Variants in KANK1 observed in about 807,000 individuals in gnomAD.
KANK1 encodes the protein KN motif and ankyrin repeat domains 1, also known as KN motif and ankyrin repeat domain-containing protein 1.
In KANK1, 109 loss-of-function variants were observed where a neutral mutation model predicts 106.2. That is an observed-to-expected ratio of 1.03 (90% CI 0.88 to 1.20). KANK1 has a LOEUF of 1.20. KANK1 is among the 50% of genes most tolerant of loss of function. The probability of loss-of-function intolerance (pLI) is 0.00; values close to 1 mark genes in which losing one functional copy is unlikely to be tolerated. For missense variants in KANK1, 2,399 were observed against 1,710.7 expected (o/e 1.40, Z -7.10); for synonymous variants, 873 against 652.2 (o/e 1.34, Z -5.16).
intron 1 of KANK1, among the ~76,000 whole-genome samples, chr9:507,038 A>G (rs1170046733): frequency 1.3e-5 from 2 of 152,120 alleles, no homozygotes; most frequent in African/African-American, 2.4e-5. Flanking sequence ...AACATCCACT[A>G]CACTTCTCAC....
intron 9 of KANK1, among the ~76,000 whole-genome samples, chr9:741,409 G>C (rs1457492395): frequency 6.7e-6 from 1 of 149,774 alleles, no homozygotes; most frequent in Non-Finnish European, 1.5e-5. Context: ...AACCACCCCC[G>C]GCTCCCTGGT....
At chr9:724,964 G>C (rs1196806176) in intron 3 of KANK1, among the ~76,000 whole-genome samples, 1 of 152,166 alleles carries the variant, frequency 6.6e-6, no homozygotes, top group African/African-American at 2.4e-5. Context: ...AGGCACATTA[G>C]GCATTTCATA....
rs544586265 is a variant in KANK1 at position 646,403 on chromosome 9, C to G, written c.-83-30487C>G. 3.2e-4 allele frequency among the ~76,000 whole-genome samples: 48 copies of G among 150,818 alleles called. 1 individual carries two copies. Among genetic ancestry groups the G allele is most frequent in the Non-Finnish European group, 8.8e-5 (6 of 67,994 alleles). On this transcript the variant is annotated intron_variant, in intron 1 of 11. Transcript: ENST00000382297. ...AGTAAAAATGTAGGTTATGTTTCTTCGTCTGAAAATAAGCTATTCTGAAAA... is the reference window on the plus strand; with the variant it reads ...AGTAAAAATGTAGGTTATGTTTCTTGGTCTGAAAATAAGCTATTCTGAAAA...
At chr9:543,281 C>T (rs1019185875) in intron 1 of KANK1, among the ~76,000 whole-genome samples, 1 of 151,918 alleles carries the variant, frequency 6.6e-6, no homozygotes, top group African/African-American at 2.4e-5. Flanking sequence ...TGAGGCCGGG[C>T]ACGGTGGCTC....
chr9:583,842 G>A (rs1282659223), intron 1 of KANK1, among the ~76,000 whole-genome samples: 2 of 151,956 alleles, frequency 1.3e-5, no homozygotes, highest in African/African-American at 4.8e-5. Context: ...ATGAACAAGA[G>A]TGTAAAAAGG....
upstream of KANK1, among the ~76,000 whole-genome samples, chr9:501,055 GTGTAGATAAAAGT>G (rs112230663): frequency 0.019 from 2,947 of 151,928 alleles, 87 homozygotes; most frequent in African/African-American, 0.066. Flanking sequence ...CAGACATCTC[GTGTAGATAAAAGT>G]TGAGAAAAAA....
intron 1 of KANK1, among the ~76,000 whole-genome samples, chr9:629,077 C>CAA (rs34834497): frequency 7.5e-6 from 1 of 132,666 alleles, no homozygotes; most frequent in Non-Finnish European, 1.6e-5. Context: ...CAACTGTTTC[C>CAA]AAAAAAAAAA....
At chr9:475,207 T>C (rs1012889744) in intron 3 of KANK1, among the ~76,000 whole-genome samples, 1 of 152,154 alleles carries the variant, frequency 6.6e-6, no homozygotes, top group South Asian at 2.1e-4. Flanking sequence ...ATGACCTTCC[T>C]GTAGGAATGC....
rs184594062 is a variant in KANK1, at chr9:514,579, C to G, written c.-84+9825C>G. Among the ~76,000 whole-genome samples, 368 of 151,504 alleles carry G rather than the reference C, an allele frequency of 2.4e-3. 10 individuals are homozygous for G. The highest frequency in any genetic ancestry group is 8.4e-3 in the African/African-American group (345 of 40,890). On this transcript the variant is annotated intron_variant, in intron 1 of 11. Coordinates refer to ENST00000382297, the MANE Select transcript of KANK1 (RefSeq NM_015158.5). The stretch of plus-strand genomic sequence containing the variant: ...TCACAGAGCATGTACTCTTTCGTGT[C>G]TAGCTTCTCTCCATGTTATATTTGT...
chr9:526,515 C>G (rs1432143076), intron 1 of KANK1, among the ~76,000 whole-genome samples: 2 of 151,596 alleles, frequency 1.3e-5, no homozygotes, highest in African/African-American at 4.9e-5. Context: ...GAATTCAAGA[C>G]CAGTCTGGGC....
intron 1 of KANK1, among the ~76,000 whole-genome samples, chr9:553,268 G>T (rs2061386586): frequency 6.6e-6 from 1 of 152,228 alleles, no homozygotes; most frequent in Non-Finnish European, 1.5e-5. Context: ...AGTGTGTTCA[G>T]AAGTATTTAA....
At chr9:572,151 T>A (rs79025639) in intron 1 of KANK1, among the ~76,000 whole-genome samples, 11,804 of 30,430 alleles carry the variant, frequency 0.39, 627 homozygotes, top group Non-Finnish European at 0.44. Context: ...TAAACAGTGA[T>A]TTTTTTTTTT....
At chr9:585,078 G>T (rs1823125191) in intron 1 of KANK1, among the ~76,000 whole-genome samples, 1 of 152,096 alleles carries the variant, frequency 6.6e-6, no homozygotes, top group Non-Finnish European at 1.5e-5. Flanking sequence ...CTCTCTTTGG[G>T]CTTGTGTGCC....
intron 1 of KANK1, among the ~76,000 whole-genome samples, chr9:545,450 G>T (rs1196436466): frequency 6.6e-6 from 1 of 152,170 alleles, no homozygotes; most frequent in Non-Finnish European, 1.5e-5. Context: ...AGCGGATGAG[G>T]TGATAAGATC....
intron 2 of KANK1, among the ~76,000 whole-genome samples, chr9:696,241 G>A (rs945597482): frequency 2.0e-5 from 3 of 150,104 alleles, no homozygotes; most frequent in South Asian, 2.1e-4. Flanking sequence ...CCGAGATCAC[G>A]CCACTGCACT....
chr9:495,905 G>T lies in KANK1; in HGVS notation c.-362+22632G>T, dbSNP rs1587258898. Among the ~76,000 whole-genome samples, 3 of 152,218 alleles carry T rather than the reference G, an allele frequency of 2.0e-5. No individual in the cohort carries two copies. In the South Asian group the frequency reaches 6.2e-4, roughly 32 times the overall value. On this transcript the variant is annotated intron_variant, in intron 3 of 15. Transcript: ENST00000382303. ...AAGGTCACCAGGTCAGGGTTTCCTT[G>T]CTGAGGAAGAAAAGCTTCAGTGACA... is the stretch of plus-strand genomic sequence containing the variant.
intron 2 of KANK1, chr9:693,631 C>T (rs903220424): frequency 2.1e-5 from 21 of 985,240 alleles, no homozygotes; most frequent in African/African-American, 3.5e-5. Context: ...GCTGTTAGTT[C>T]GTCAGGAAAT....
At chr9:729,509 C>T (rs1027736876) in intron 3 of KANK1, among the ~76,000 whole-genome samples, 2 of 152,164 alleles carry the variant, frequency 1.3e-5, no homozygotes, top group Non-Finnish European at 2.9e-5. Context: ...CTCTATACAG[C>T]GAGTCCTGGC....
At chr9:530,717 G>T (rs953408547) in intron 1 of KANK1, among the ~76,000 whole-genome samples, 1 of 152,170 alleles carries the variant, frequency 6.6e-6, no homozygotes, top group Non-Finnish European at 1.5e-5. Flanking sequence ...GGCTGGGAGC[G>T]GTGGCTCATG....
Sources: allele counts gnomAD v4.1 joint callset (sites outside exome capture counted in the v4.1 genomes callset), GRCh38; gene constraint gnomAD v4.1.1; transcripts MANE v1.5; gene names NCBI Gene and HGNC (gene_info 2026-07-23, HGNC 2026-07-21).